The following RGS9 variants were observed in gnomAD, a reference collection of about 807,000 sequenced individuals.
The protein encoded by RGS9 is regulator of G protein signaling 9.
RGS9 carries 78 observed loss-of-function variants against 102.0 expected under a neutral mutation model. The observed-to-expected ratio is 0.76, with a 90% CI of 0.64 to 0.92. The LOEUF (loss-of-function observed/expected upper bound fraction) is 0.92. RGS9 is among the 40% of genes least tolerant of loss of function. RGS9 has a pLI of 0.00. For synonymous variants in RGS9, 353 were observed against 318.6 expected, an observed-to-expected ratio of 1.11 and a Z score of -1.15; for missense variants, 833 against 866.1, an observed-to-expected ratio of 0.96 and a Z score of 0.48.
At chr17:65,191,320 C>G (rs554118235) in intron 11 of RGS9, among the ~76,000 whole-genome samples, 1 of 152,050 alleles carries the variant, frequency 6.6e-6, no homozygotes. Context: ...GTCTCAGGAC[C>G]TCATTACCGT....
intron 2 of RGS9, among the ~76,000 whole-genome samples, chr17:65,157,693 A>G (rs948403050): frequency 1.3e-5 from 2 of 151,948 alleles, no homozygotes; most frequent in African/African-American, 4.8e-5. Context: ...ATAGGTCCCA[A>G]CCTCCTACCC....
At chr17:65,197,403 A>G (rs1912637715) in intron 13 of RGS9, among the ~76,000 whole-genome samples, 162 bp downstream of exon 13, 1 of 152,190 alleles carries the variant, frequency 6.6e-6, no homozygotes, top group Admixed American at 6.5e-5. Flanking sequence ...ATGGGACCTG[A>G]GCCCAAGACT....
chr17:65,188,762 G>A (rs12453731), intron 9 of RGS9: 11,047 of 173,634 alleles, frequency 0.064, 1,138 homozygotes, highest in East Asian at 0.34. Context: ...ACAGGTGCAC[G>A]CTACCATGCC....
intron 12 of RGS9, 146 bp downstream of exon 12, chr17:65,193,802 A>C (rs1422161942): frequency 1.5e-6 from 1 of 651,424 alleles, no homozygotes; most frequent in Non-Finnish European, 2.7e-6. Context: ...CATGTTCATT[A>C]CACAAAAAAG....
rs1042488190 is a variant in RGS9 at position 65,199,490 on chromosome 17, T to G, written c.976+2249T>G. Among the ~76,000 whole-genome samples, 81 of 66,948 alleles carry G rather than the reference T, an allele frequency of 1.2e-3. No individual in the cohort carries two copies. The African/African-American group carries it at 0.017, about 14-fold the overall frequency. 43.9% of individuals were successfully genotyped at this position (66,948 alleles called of 152,430 possible). ...AGCATATAACAGCGCTTCTGTTCCT[T>G]TTTTTTTTTTTTTTTTTTTTTTTGA... On this transcript the variant is annotated intron_variant, in intron 13 of 18. Coordinates refer to ENST00000262406, the MANE Select transcript of RGS9 (RefSeq NM_003835.4).
chr17:65,224,921 G>A lies in RGS9; in HGVS notation c.1408-81G>A, dbSNP rs928825052. ...ACTCTTGTCGCTGGAAGGGGACTAA[G>A]TTAGCAGAGGACAGCCCAGGGGCCC... is the stretch of plus-strand genomic sequence containing the variant. On this transcript the variant is annotated intron_variant, in intron 17 of 18. Transcript: ENST00000262406. 8.8e-6 allele frequency: 14 copies of A among 1,584,116 alleles called. No individual in the cohort carries two copies. The African/African-American group carries it at 1.2e-4, about 14-fold the overall frequency.
intron 17 of RGS9, 74 bp downstream of exon 17, chr17:65,210,679 G>A: frequency 6.3e-7 from 1 of 1,599,674 alleles, no homozygotes; most frequent in Non-Finnish European, 8.5e-7. Context: ...GATTCCTGGG[G>A]GTGGGGTCAT....
chr17:65,147,983 A>T (rs1178484661), intron 1 of RGS9, among the ~76,000 whole-genome samples: 1 of 152,178 alleles, frequency 6.6e-6, no homozygotes, highest in African/African-American at 2.4e-5. Context: ...AATATTGTTG[A>T]TGAGGTACAA....
chr17:65,152,401 G>A (rs1910612606), intron 1 of RGS9, among the ~76,000 whole-genome samples: 1 of 152,212 alleles, frequency 6.6e-6, no homozygotes, highest in South Asian at 2.1e-4. Context: ...CATTTACTTG[G>A]AGTCAAGTGG....
chr17:65,178,365 T>G (rs1276340693), intron 9 of RGS9, among the ~76,000 whole-genome samples: 1 of 152,192 alleles, frequency 6.6e-6, no homozygotes, highest in African/African-American at 2.4e-5. Flanking sequence ...AGGCCATCTT[T>G]CATGATGGAT....
intron 7 of RGS9, among the ~76,000 whole-genome samples, chr17:65,164,469 G>T (rs1044682568): frequency 6.6e-6 from 1 of 152,116 alleles, no homozygotes; most frequent in East Asian, 1.9e-4. Context: ...TACCAAAACC[G>T]ATGATCCCCC....
intron 9 of RGS9, among the ~76,000 whole-genome samples, chr17:65,182,163 C>T (rs1180809114): frequency 1.3e-5 from 2 of 152,210 alleles, no homozygotes; most frequent in Non-Finnish European, 2.9e-5. Context: ...TATGGCCTCC[C>T]AGTATAAAAT....
In RGS9 at chr17:65,163,042, GA is replaced by G; in HGVS notation, c.455del (p.Asn152ThrfsTer57). ...ENYNFLNQKM[N>X]YKWDFVIMQA... The stretch of plus-strand genomic sequence containing the variant: ...ATTACAATTTCTTGAACCAAAAAAT[GA>G]ACTATAAGTGGGACTTTGTCATTAT... On this transcript the variant is annotated frameshift_variant, in exon 7 of 19. Coordinates refer to ENST00000262406, the MANE Select transcript of RGS9 (RefSeq NM_003835.4). LOFTEE classifies it high-confidence loss of function. 6.2e-7 allele frequency: 1 copy of G among 1,601,760 alleles called. No individual in the cohort carries two copies. The highest frequency in any genetic ancestry group is 8.5e-7 in the Non-Finnish European group (1 of 1,169,764).
chr17:65,226,025 T>C (rs940722915), intron 18 of RGS9, among the ~76,000 whole-genome samples: 5 of 152,160 alleles, frequency 3.3e-5, no homozygotes, highest in African/African-American at 1.2e-4. Context: ...GTCATTTCTG[T>C]GAAAATGAAA....
intron 8 of RGS9, among the ~76,000 whole-genome samples, chr17:65,169,910 C>G (rs554874144): frequency 7.9e-5 from 12 of 152,144 alleles, no homozygotes; most frequent in African/African-American, 2.9e-4. Flanking sequence ...TACCACCTCT[C>G]TTATTTCCCC....
intron 8 of RGS9, among the ~76,000 whole-genome samples, chr17:65,176,041 T>C (rs909204655): frequency 6.6e-6 from 1 of 152,234 alleles, no homozygotes; most frequent in Non-Finnish European, 1.5e-5. Context: ...CTGAATTTGA[T>C]GGCAAGAAAG....
intron 18 of RGS9, among the ~76,000 whole-genome samples, chr17:65,226,085 GGTCCT>G (rs1905661264): frequency 6.6e-6 from 1 of 152,192 alleles, no homozygotes; most frequent in African/African-American, 2.4e-5. Context: ...CATTTTGGGT[GGTCCT>G]GCAAGCCTGA....
chr17:65,195,963 A>C (rs1229528511), intron 12 of RGS9, among the ~76,000 whole-genome samples: 1 of 152,262 alleles, frequency 6.6e-6, no homozygotes. Flanking sequence ...AGAAACTCTG[A>C]GGTTGGGACC....
At chr17:65,177,043 A>C (rs1911657864) in intron 8 of RGS9, among the ~76,000 whole-genome samples, 1 of 138,902 alleles carries the variant, frequency 7.2e-6, no homozygotes, top group South Asian at 2.3e-4. Flanking sequence ...TGGGGATGCC[A>C]TTCATTTGTT....
Sources: allele counts gnomAD v4.1 joint callset (sites outside exome capture counted in the v4.1 genomes callset), GRCh38; gene constraint gnomAD v4.1.1; transcripts MANE v1.5; gene names NCBI Gene and HGNC (gene_info 2026-07-23, HGNC 2026-07-21).